The following STARD4 variants were observed in gnomAD, a reference collection of about 807,000 sequenced individuals.
STARD4 encodes the protein StAR related lipid transfer domain containing 4, also known as stAR-related lipid transfer protein 4.
Under a neutral mutation model 24.9 loss-of-function variants are expected in STARD4, and 33 were observed. That is an observed-to-expected ratio of 1.32 (90% CI 1.00 to 1.77). The LOEUF (loss-of-function observed/expected upper bound fraction) is 1.77. Among genes scored for constraint, STARD4 ranks in the 40% most tolerant of loss-of-function variants. STARD4 has a pLI of 0.00. For missense variants in STARD4, 238 were observed against 249.3 expected, an observed-to-expected ratio of 0.95 and a Z score of 0.31; for synonymous variants, 88 against 77.4, an observed-to-expected ratio of 1.14 and a Z score of -0.72.
chr5:111,503,443 A>G (rs1406561675), intron 3 of STARD4, among the ~76,000 whole-genome samples: 1 of 152,218 alleles, frequency 6.6e-6, no homozygotes, highest in Non-Finnish European at 1.5e-5. Flanking sequence ...ATCCTGGCCA[A>G]CATGGTGAAA....
In STARD4 at chr5:111,506,343, A is replaced by G; in HGVS notation, c.142T>C (p.Phe48Leu). Residue 48 changes from phenylalanine to leucine, a missense_variant, in exon 3 of 6, where the codon TTT (phenylalanine) becomes CTT (leucine). Physicochemically the swap from Phe to Leu is conservative, Grantham distance 22. Transcript: ENST00000296632. ...VTVWRKPSEE[F>L]NGYLYKAQGV... ...AAAGTTACTTACAGATATCCATTAAATTCTTCTGAGGGTTTTCTCCAAACA... is the reference window on the plus strand; with the variant it reads ...AAAGTTACTTACAGATATCCATTAAGTTCTTCTGAGGGTTTTCTCCAAACA... The G allele has an allele frequency of 6.6e-7, 1 of 1,506,368 alleles. No homozygotes were observed. The highest frequency in any genetic ancestry group is 9.1e-7 in the Non-Finnish European group (1 of 1,096,912). 93.3% of individuals were successfully genotyped at this position (1,506,368 alleles called of 1,614,324 possible). A position where few individuals can be genotyped will look rare whatever the true frequency, so the allele number is the denominator to read the frequency against.
intron 5 of STARD4, 110 bp downstream of exon 5, chr5:111,500,892 T>A: frequency 6.3e-7 from 1 of 1,598,832 alleles, no homozygotes; most frequent in Non-Finnish European, 8.5e-7. Context: ...ATGTTAGTGA[T>A]TACAGAGTCA....
chr5:111,500,299 G>A, intron 5 of STARD4, 193 bp from the exon 6 acceptor site: 1 of 1,322,832 alleles, frequency 7.6e-7, no homozygotes. Flanking sequence ...TTGGCAGATA[G>A]GTAATGGGGA....
chr5:111,501,985 C>A lies in STARD4; in HGVS notation c.259G>T (p.Asp87Tyr). 1 of 1,614,074 alleles carries A rather than the reference C, an allele frequency of 6.2e-7. No individual in the cohort carries two copies. Among genetic ancestry groups the A allele is most frequent in the Non-Finnish European group, 8.5e-7 (1 of 1,180,008 alleles). The change falls in exon 4 of 6, where the codon GAT becomes TAT. Residue 87 changes from aspartate to tyrosine, a missense_variant. Asp to Tyr is a radical substitution (Grantham distance 160, BLOSUM62 -3). Transcript: ENST00000296632. ...ACCTCTTCAAAGTTCTCCAGAATATCCAAAGAAGTCATCAAGCTGTCCCAA... is the reference window on the plus strand; with the variant it reads ...ACCTCTTCAAAGTTCTCCAGAATATACAAAGAAGTCATCAAGCTGTCCCAA... ...LDWDSLMTSL[D>Y]ILENFEENCC... is the part of the protein sequence containing the mutation.
Position 111,501,976 on chromosome 5 carries a change from C to T in STARD4, c.268G>A (p.Glu90Lys). ...TAAATAGATACCTCTTCAAAGTTCTCCAGAATATCCAAAGAAGTCATCAAG... is the reference window on the plus strand; with the variant it reads ...TAAATAGATACCTCTTCAAAGTTCTTCAGAATATCCAAAGAAGTCATCAAG... ...DSLMTSLDIL[E>K]NFEENCCVMR... is the part of the protein sequence containing the mutation. The change falls in exon 4 of 6, where the codon GAG (glutamate) becomes AAG (lysine). Residue 90 changes from glutamate to lysine, a missense_variant. By Grantham distance (56) the Glu-to-Lys change is moderately conservative. Transcript: ENST00000296632. 4.3e-6 allele frequency: 7 copies of T among 1,614,090 alleles called. No individual in the cohort carries two copies. The highest frequency in any genetic ancestry group is 5.9e-6 in the Non-Finnish European group (7 of 1,179,992).
Position 111,496,766 on chromosome 5 carries a change from G to GA in STARD4, c.*3119dup, listed in dbSNP as rs1384846688. ...AGGAGGAGAGAGAAGGGAGGGGAAG[G>GA]AAAAAAATTCTATTAACTAGGAGAT... On this transcript the variant is annotated 3_prime_UTR_variant, in exon 6 of 6. Transcript: ENST00000296632. 6.6e-6 allele frequency: 1 copy of GA among 151,792 alleles called. No homozygotes were observed. The highest frequency in any genetic ancestry group is 1.5e-5 in the Non-Finnish European group (1 of 67,878). 9.4% of individuals were successfully genotyped at this position (151,792 alleles called of 1,614,324 possible).
At position 111,507,509 on chromosome 5, in the gene STARD4, G is replaced by C. The variant is rs944078525; in HGVS notation, c.-9-67C>G. The C allele has an allele frequency of 4.1e-6, 5 of 1,213,406 alleles. No individual in the cohort carries two copies. The East Asian group carries it at 1.2e-4, about 29-fold the overall frequency. The allele number at this position is 1,213,406 out of a possible 1,614,324, so 75.2% of individuals were successfully genotyped here. A position where few individuals can be genotyped will look rare whatever the true frequency, so the allele number is the denominator to read the frequency against. On this transcript the variant is annotated intron_variant, in intron 1 of 5. Coordinates refer to ENST00000296632, the MANE Select transcript of STARD4 (RefSeq NM_139164.3). This position sits in a 1 kb window ranked among gnomAD's most constrained non-coding sequence, Gnocchi z 4.4. ...TTGAGGCAATAGGCCAGTGGGTCTC[G>C]AATCTGGTTTCACAATATAATAACC...
intron 5 of STARD4, chr5:111,500,487 A>T: frequency 9.6e-7 from 1 of 1,041,582 alleles, no homozygotes; most frequent in South Asian, 4.1e-5. Context: ...AAGAATAAAC[A>T]AGTAGATGTT....
chr5:111,497,747 TC>T lies in STARD4; in HGVS notation c.*2138del, dbSNP rs1478217073. The T allele has an allele frequency of 3.3e-5, 5 of 152,098 alleles. No homozygotes were observed. Among genetic ancestry groups the T allele is most frequent in the Non-Finnish European group, 7.4e-5 (5 of 67,944 alleles). 9.4% of individuals were successfully genotyped at this position (152,098 alleles called of 1,614,324 possible). A position where few individuals can be genotyped will look rare whatever the true frequency, so the allele number is the denominator to read the frequency against. ...GCGGACTCAATTATTTATGTTAATA[TC>T]CATCCCAACCCACATCATTAAGCTT... On this transcript the variant is annotated 3_prime_UTR_variant, in exon 6 of 6. Transcript: ENST00000296632.
At chr5:111,500,358 C>A in intron 5 of STARD4, 1 of 1,162,266 alleles carries the variant, frequency 8.6e-7, no homozygotes, top group Non-Finnish European at 1.1e-6. Context: ...CTTAGTACTC[C>A]TTGGAAGCTA....
chr5:111,501,988 A>G lies in STARD4; in HGVS notation c.256T>C (p.Leu86=), dbSNP rs1756485367. ...TCTTCAAAGTTCTCCAGAATATCCA[A>G]AGAAGTCATCAAGCTGTCCCAATCC... ...RLDWDSLMTS[L]DILENFEENC... is the part of the protein sequence containing the mutation. Residue 86 remains leucine, a synonymous_variant, in exon 4 of 6, where the codon TTG becomes CTG. Coordinates refer to ENST00000296632, the MANE Select transcript of STARD4 (RefSeq NM_139164.3). 1 of 1,614,018 alleles carries G rather than the reference A, an allele frequency of 6.2e-7. No homozygotes were observed. The highest frequency in any genetic ancestry group is 8.5e-7 in the Non-Finnish European group (1 of 1,180,010).
At chr5:111,500,805 A>T (rs1325383512) in intron 5 of STARD4, 197 bp downstream of exon 5, 2 of 1,480,700 alleles carry the variant, frequency 1.4e-6, no homozygotes, top group Non-Finnish European at 1.8e-6. Context: ...GTAACTGGGA[A>T]CAAAAACTTA....
chr5:111,506,162 C>T (rs1756841588), intron 3 of STARD4, 168 bp downstream of exon 3: 1 of 315,938 alleles, frequency 3.2e-6, no homozygotes, highest in Admixed American at 5.7e-5. Flanking sequence ...CCACCGCACT[C>T]CAGCCTGGGT....
chr5:111,500,587 T>C (rs31315), intron 5 of STARD4: 277,572 of 1,093,870 alleles, frequency 0.25, 35,718 homozygotes, highest in African/African-American at 0.34. Context: ...AGCCTTCCAA[T>C]GGCAGTATTT....
intron 3 of STARD4, 112 bp from the exon 4 acceptor site, chr5:111,502,200 G>T: frequency 7.9e-7 from 1 of 1,263,002 alleles, no homozygotes; most frequent in Non-Finnish European, 1.1e-6. Flanking sequence ...CGGGTAGGGT[G>T]GCTCATGTCT....
At chr5:111,502,610 A>G (rs774918552) in intron 3 of STARD4, among the ~76,000 whole-genome samples, 1 of 151,676 alleles carries the variant, frequency 6.6e-6, no homozygotes, top group Non-Finnish European at 1.5e-5. Flanking sequence ...CCTGACCAAC[A>G]TGCAGAAACC....
In STARD4 at chr5:111,500,280, G is replaced by C; in HGVS notation, c.398-174C>G. ...AAAGAGACTTACCAAGGAGAATTCT[G>C]ACAAGAGGTTGGCAGATAGGTAATG... On this transcript the variant is annotated intron_variant, in intron 5 of 5. Coordinates refer to ENST00000296632, the MANE Select transcript of STARD4 (RefSeq NM_139164.3). 3.7e-6 allele frequency: 5 copies of C among 1,340,162 alleles called. No individual in the cohort carries two copies. In the South Asian group the frequency reaches 6.5e-5, roughly 17 times the overall value. 83.0% of individuals were successfully genotyped at this position (1,340,162 alleles called of 1,614,324 possible). A position where few individuals can be genotyped will look rare whatever the true frequency, so the allele number is the denominator to read the frequency against.
chr5:111,510,375 A>G (rs1308172905), intron 1 of STARD4, among the ~76,000 whole-genome samples: 1 of 152,192 alleles, frequency 6.6e-6, no homozygotes. Flanking sequence ...CCCTCCTGCA[A>G]TCTCCAACTG....
Position 111,499,031 on chromosome 5 carries a change from C to G in STARD4, c.*855G>C, listed in dbSNP as rs1183244423. On this transcript the variant is annotated 3_prime_UTR_variant, in exon 6 of 6. Coordinates refer to ENST00000296632, the MANE Select transcript of STARD4 (RefSeq NM_139164.3). ...ATTAACAACAACAAAACAGTAGACA[C>G]AGGAATACTAACACATAAACAACTA... 6.6e-6 allele frequency: 1 copy of G among 152,108 alleles called. No homozygotes were observed. Among genetic ancestry groups the G allele is most frequent in the Non-Finnish European group, 1.5e-5 (1 of 68,026 alleles). The allele number at this position is 152,108 out of a possible 1,614,324, so 9.4% of individuals were successfully genotyped here.
Sources: allele counts gnomAD v4.1 joint callset (sites outside exome capture counted in the v4.1 genomes callset), GRCh38; gene constraint gnomAD v4.1.1; non-coding constraint Gnocchi (gnomAD v3.1); transcripts MANE v1.5; gene names NCBI Gene and HGNC (gene_info 2026-07-23, HGNC 2026-07-21).